The following CDV3 variants were observed in gnomAD, a reference collection of about 807,000 sequenced individuals.
CDV3 encodes CDV3 homolog, also known as protein CDV3 homolog.
In CDV3, 14 loss-of-function variants were observed where a neutral mutation model predicts 24.5. The observed-to-expected ratio is 0.57, with a 90% confidence interval of 0.38 to 0.89. CDV3 has a LOEUF of 0.89. Among genes scored for constraint, CDV3 ranks in the 40% least tolerant of loss-of-function variants. The probability of loss-of-function intolerance (pLI) is 0.00; values close to 1 mark genes in which losing one functional copy is unlikely to be tolerated. For missense variants in CDV3, 304 were observed against 310.2 expected, an observed-to-expected ratio of 0.98 and a Z score of 0.15; for synonymous variants, 114 against 114.1, an observed-to-expected ratio of 1.00 and a Z score of 0.00.
chr3:133,577,277 G>C lies in CDV3; in HGVS notation c.317+2162G>C, dbSNP rs114821967. The stretch of plus-strand genomic sequence containing the variant: ...CTCCTTCCCATATGTTCTTCACTCA[G>C]ATCCACCAGTCTCTGCTACATGTGC... On this transcript the variant is annotated intron_variant, in intron 2 of 4. Transcript: ENST00000264993. Among the ~76,000 whole-genome samples the C allele has an allele frequency of 8.8e-3, 1,331 of 151,900 alleles. 18 individuals are homozygous for C. Among genetic ancestry groups the C allele is most frequent in the African/African-American group, 0.03 (1,236 of 41,436 alleles).
At chr3:133,574,382 G>A (rs1309412728) in intron 1 of CDV3, 98 bp downstream of exon 1, 4 of 939,098 alleles carry the variant, frequency 4.3e-6, no homozygotes, top group African/African-American at 1.8e-5. Flanking sequence ...GAGGGGCCGC[G>A]GAGGCCGGGC....
chr3:133,587,150 T>G, intron 4 of CDV3: 1 of 1,273,024 alleles, frequency 7.9e-7, no homozygotes, highest in Non-Finnish European at 1.1e-6. Flanking sequence ...TAAAATAATC[T>G]TATTTCAGCA....
chr3:133,588,261 T>C lies in CDV3; in HGVS notation c.*215T>C, dbSNP rs1211438049. 6.5e-7 allele frequency: 1 copy of C among 1,541,736 alleles called. No individual in the cohort carries two copies. Among genetic ancestry groups the C allele is most frequent in the South Asian group, 1.2e-5 (1 of 83,652 alleles). On this transcript the variant is annotated 3_prime_UTR_variant, in exon 5 of 5. Transcript: ENST00000264993. The stretch of plus-strand genomic sequence containing the variant: ...TTCATTGTTACATAAATGTGTGAAC[T>C]AGTTTCAACAGTGTTCTTTCATATT...
At chr3:133,576,399 T>G (rs777438566) in intron 2 of CDV3, among the ~76,000 whole-genome samples, 1 of 152,176 alleles carries the variant, frequency 6.6e-6, no homozygotes, top group Non-Finnish European at 1.5e-5. Context: ...GAATGTGAGG[T>G]TCTTACCATT....
At chr3:133,582,430 T>A (rs1168219594) in intron 2 of CDV3, among the ~76,000 whole-genome samples, 3 of 152,262 alleles carry the variant, frequency 2.0e-5, no homozygotes, top group Non-Finnish European at 4.4e-5. Flanking sequence ...GGATTACAGT[T>A]GTGAGCCACT....
In CDV3 at chr3:133,574,095, C is replaced by T; in HGVS notation, c.51C>T (p.Asp17=). Residue 17 remains aspartate (D), a synonymous_variant, in exon 1 of 5, where the codon GAC becomes GAT. Coordinates refer to ENST00000264993, the MANE Select transcript of CDV3 (RefSeq NM_017548.5). ...RSLDNFFAKR[D]KKKKKERSNR... is the part of the protein sequence containing the mutation. The stretch of plus-strand genomic sequence containing the variant: ...TGGACAACTTCTTTGCCAAGAGGGA[C>T]AAGAAGAAGAAGAAGGAGCGGAGCA... 8.1e-7 allele frequency: 1 copy of T among 1,233,530 alleles called. No homozygotes were observed. The allele number at this position is 1,233,530 out of a possible 1,614,324, so 76.4% of individuals were successfully genotyped here.
At chr3:133,582,862 G>A (rs1267329925) in intron 2 of CDV3, among the ~76,000 whole-genome samples, 2 of 152,172 alleles carry the variant, frequency 1.3e-5, no homozygotes, top group African/African-American at 2.4e-5. Context: ...AAGGACGTTC[G>A]ATTTAGCCAT....
chr3:133,576,231 C>A (rs139019380), intron 2 of CDV3, among the ~76,000 whole-genome samples: 1 of 152,242 alleles, frequency 6.6e-6, no homozygotes, highest in African/African-American at 2.4e-5. Context: ...GGGAAACTTT[C>A]AGGAACGATG....
chr3:133,586,200 A>G (rs769128109), intron 3 of CDV3, among the ~76,000 whole-genome samples: 4 of 152,144 alleles, frequency 2.6e-5, no homozygotes, highest in Non-Finnish European at 5.9e-5. Context: ...GGTTCAAGCC[A>G]TTCTCCTGCC....
chr3:133,586,979 T>C (rs934797967), intron 4 of CDV3, among the ~76,000 whole-genome samples: 7 of 152,222 alleles, frequency 4.6e-5, no homozygotes, highest in Non-Finnish European at 1.5e-5. Context: ...TTTATGTTGT[T>C]TTATAGCAAT....
At position 133,575,073 on chromosome 3, in the gene CDV3, A is replaced by G. The variant is rs147505031; in HGVS notation, c.275A>G (p.Glu92Gly). Residue 92 changes from glutamate to glycine, a missense_variant, in exon 2 of 5, where the codon GAG (glutamate) becomes GGG (glycine). Physicochemically the swap from Glu to Gly is moderately conservative, Grantham distance 98 (BLOSUM62 -2). Transcript: ENST00000264993. ...EDEWKELEQK[E>G]VDYSGLRVQA... is the part of the protein sequence containing the mutation. ...GAATGGAAAGAATTGGAGCAAAAAG[A>G]GGTTGATTACAGCGGCCTCAGGGTT... is the stretch of plus-strand genomic sequence containing the variant. 1.4e-5 allele frequency: 23 copies of G among 1,606,380 alleles called. No individual in the cohort carries two copies. Among genetic ancestry groups the G allele is most frequent in the Non-Finnish European group, 2.0e-5 (23 of 1,173,096 alleles).
intron 4 of CDV3, chr3:133,587,299 G>C (rs992702674): frequency 1.6e-6 from 2 of 1,261,042 alleles, no homozygotes; most frequent in African/African-American, 1.5e-5. Flanking sequence ...TGTTTTTTGG[G>C]GTGGCTTTTA....
At position 133,586,502 on chromosome 3, in the gene CDV3, A is replaced by G; in HGVS notation, c.467-61A>G. ...TTGTTAAATGATTGGGAATGCAAGA[A>G]TAGCTTATTAAAATGCTGAGCATTT... is the stretch of plus-strand genomic sequence containing the variant. On this transcript the variant is annotated intron_variant, in intron 3 of 4. Transcript: ENST00000264993. The G allele has an allele frequency of 3.5e-6, 3 of 856,764 alleles. 1 individual carries two copies. Among genetic ancestry groups the G allele is most frequent in the South Asian group, 3.2e-5 (2 of 62,954 alleles). 53.1% of individuals were successfully genotyped at this position (856,764 alleles called of 1,614,324 possible).
chr3:133,587,163 T>C, intron 4 of CDV3: 1 of 1,316,016 alleles, frequency 7.6e-7, no homozygotes, highest in South Asian at 1.8e-5. Flanking sequence ...TTTCAGCAGG[T>C]ACTTAAAATG....
In CDV3 at chr3:133,587,719, G is replaced by C. The variant is rs1475668187; in HGVS notation, c.627-177G>C. On this transcript the variant is annotated intron_variant, in intron 4 of 4. Coordinates refer to ENST00000264993, the MANE Select transcript of CDV3 (RefSeq NM_017548.5). ...CTAGAGCTTCAATACAGCGTTCTGT[G>C]TTTTCTGTTTGAATTGAAGCCTTAA... 3 of 1,396,318 alleles carry C rather than the reference G, an allele frequency of 2.1e-6. No homozygotes were observed. In the African/African-American group the frequency reaches 4.3e-5, roughly 20 times the overall value. 86.5% of individuals were successfully genotyped at this position (1,396,318 alleles called of 1,614,324 possible).
chr3:133,575,228 G>A (rs2074760888), intron 2 of CDV3, 113 bp downstream of exon 2: 4 of 627,836 alleles, frequency 6.4e-6, no homozygotes, highest in South Asian at 1.9e-5. Context: ...CTCTAGATAT[G>A]CTTATTAGGA....
chr3:133,586,840 TG>T (rs1294596084), intron 4 of CDV3, 118 bp downstream of exon 4: 18 of 650,606 alleles, frequency 2.8e-5, no homozygotes, highest in African/African-American at 2.8e-4. Flanking sequence ...TAATAAAGCC[TG>T]AGCTTCAGCT....
chr3:133,574,595 G>T, intron 1 of CDV3: 1 of 992,522 alleles, frequency 1.0e-6, no homozygotes, highest in Non-Finnish European at 1.2e-6. Flanking sequence ...TTTATCGGGT[G>T]ACGTCTAGGC....
intron 2 of CDV3, among the ~76,000 whole-genome samples, chr3:133,579,874 T>C (rs2074950926): frequency 6.6e-6 from 1 of 152,212 alleles, no homozygotes; most frequent in Non-Finnish European, 1.5e-5. Context: ...ATTACAGGCA[T>C]GAGCCACTGC....
Sources: gnomAD v4.1 joint callset for allele counts (sites outside exome capture counted in the v4.1 genomes callset) on GRCh38, gnomAD v4.1.1 for gene constraint, MANE v1.5 for transcripts, NCBI Gene and HGNC (gene_info 2026-07-23, HGNC 2026-07-21) for gene names.